The following CNBD1 variants were observed in gnomAD, a reference collection of about 807,000 sequenced individuals.
CNBD1 encodes the protein cyclic nucleotide-binding domain-containing protein 1.
In CNBD1, 71 loss-of-function variants were observed where a neutral mutation model predicts 54.4. The observed-to-expected ratio is 1.30, with a 90% CI of 1.08 to 1.59. The LOEUF is 1.59. Ranked by LOEUF, CNBD1 falls within the 40% of genes most tolerant of loss-of-function variation. CNBD1 has a pLI of 0.00. For missense variants in CNBD1, 659 were observed against 518.0 expected, an observed-to-expected ratio of 1.27 and a Z score of -2.64; for synonymous variants, 182 against 170.7, an observed-to-expected ratio of 1.07 and a Z score of -0.51.
At chr8:87,367,350 G>T (rs1220701880) in intron 10 of CNBD1, among the ~76,000 whole-genome samples, 1 of 151,912 alleles carries the variant, frequency 6.6e-6, no homozygotes, top group African/African-American at 2.4e-5. Flanking sequence ...TCTCCAGGTG[G>T]GCTTTTTGAA....
intron 4 of CNBD1, among the ~76,000 whole-genome samples, chr8:87,012,833 C>G (rs759428397): frequency 6.6e-5 from 10 of 152,164 alleles, no homozygotes; most frequent in Non-Finnish European, 1.5e-4. Context: ...CCTTTCCAAA[C>G]CAAACCAGTG....
At chr8:87,316,676 T>G (rs1295464684) in intron 8 of CNBD1, among the ~76,000 whole-genome samples, 1 of 151,848 alleles carries the variant, frequency 6.6e-6, no homozygotes, top group Non-Finnish European at 1.5e-5. Context: ...AAATAACTTA[T>G]GAAACATTCA....
chr8:87,122,796 G>A (rs1355458260), intron 4 of CNBD1, among the ~76,000 whole-genome samples: 1 of 151,798 alleles, frequency 6.6e-6, no homozygotes, highest in Non-Finnish European at 1.5e-5. Flanking sequence ...GCTTTCCCAA[G>A]AGCATAATCT....
chr8:87,355,368 T>C (rs1268870410), intron 10 of CNBD1, among the ~76,000 whole-genome samples: 1 of 152,152 alleles, frequency 6.6e-6, no homozygotes, highest in Non-Finnish European at 1.5e-5. Context: ...TGTTTTTGGT[T>C]CAGGTCAAGT....
At chr8:86,905,218 CA>C in intron 3 of CNBD1, 24 bp downstream of exon 3, 1 of 1,327,596 alleles carries the variant, frequency 7.5e-7, no homozygotes, top group Non-Finnish European at 1.1e-6. Context: ...CTTTTGAAAG[CA>C]AGGTTGATGG....
chr8:87,199,219 C>T (rs548367618), intron 4 of CNBD1, among the ~76,000 whole-genome samples: 11 of 152,128 alleles, frequency 7.2e-5, no homozygotes, highest in Admixed American at 5.2e-4. Flanking sequence ...TGTCTCAACA[C>T]GTACAGAATG....
intron 4 of CNBD1, among the ~76,000 whole-genome samples, chr8:86,974,208 GATTATATGCCCA>G (rs1170373035): frequency 5.9e-5 from 9 of 151,924 alleles, no homozygotes; most frequent in Non-Finnish European, 1.0e-4. Context: ...CAGGAAATAT[GATTATATGCCCA>G]ACAAGTTGAA....
downstream of CNBD1, among the ~76,000 whole-genome samples, chr8:87,387,455 T>C (rs561336128): frequency 6.1e-4 from 93 of 152,094 alleles, no homozygotes; most frequent in South Asian, 0.019. Context: ...GGGTTGCAAC[T>C]CTAGTCTCTG....
At chr8:86,964,701 G>C (rs1054502601) in intron 4 of CNBD1, among the ~76,000 whole-genome samples, 2 of 152,214 alleles carry the variant, frequency 1.3e-5, no homozygotes, top group African/African-American at 4.8e-5. Flanking sequence ...CTTCTAAGAT[G>C]AGGCAAGCTT....
intron 10 of CNBD1, among the ~76,000 whole-genome samples, chr8:87,363,610 G>A (rs1476247530): frequency 1.3e-5 from 2 of 152,076 alleles, no homozygotes; most frequent in African/African-American, 4.8e-5. Flanking sequence ...GACCAGTGAT[G>A]ATGAGCTTTT....
chr8:86,886,698 G>A (rs1274701950), intron 1 of CNBD1, among the ~76,000 whole-genome samples: 1 of 152,156 alleles, frequency 6.6e-6, no homozygotes, highest in Admixed American at 6.5e-5. Flanking sequence ...TGTGGTCAAT[G>A]AATGCACTTT....
intron 2 of CNBD1, among the ~76,000 whole-genome samples, chr8:86,888,426 G>T (rs1052322416): frequency 6.6e-5 from 10 of 152,058 alleles, no homozygotes; most frequent in Admixed American, 3.3e-4. Context: ...ATGGAGTAAA[G>T]AATGAAGTCC....
intron 6 of CNBD1, among the ~76,000 whole-genome samples, chr8:87,270,616 T>A (rs958075104): frequency 3.9e-5 from 6 of 151,972 alleles, no homozygotes; most frequent in Admixed American, 3.9e-4. Flanking sequence ...TTACTGGGTA[T>A]ATAACCAAAT....
chr8:86,905,149 AC>A lies in CNBD1; in HGVS notation c.229del (p.Gln77LysfsTer35). 1 of 1,612,524 alleles carries A rather than the reference AC, an allele frequency of 6.2e-7. No individual in the cohort carries two copies. ...AAGCAATATCCTAAAGTATTCCTGC[AC>A]CAAAAACCCAGACTTCCTAAACTTT... ...FMKQYPKVFL[H>X]QKPRLPKLFK... On this transcript the variant is annotated frameshift_variant, in exon 3 of 11. Transcript: ENST00000518476. LOFTEE classifies it high-confidence loss of function.
At chr8:87,120,653 T>A (rs942234607) in intron 4 of CNBD1, among the ~76,000 whole-genome samples, 4 of 152,038 alleles carry the variant, frequency 2.6e-5, no homozygotes, top group African/African-American at 9.7e-5. Flanking sequence ...GTTAGATTGT[T>A]CGTTTGCCCC....
chr8:87,342,745 C>G (rs1036206323), intron 8 of CNBD1, among the ~76,000 whole-genome samples: 1 of 151,966 alleles, frequency 6.6e-6, no homozygotes, highest in Non-Finnish European at 1.5e-5. Context: ...AGGGGGCACA[C>G]GAACAGGGAG....
intron 8 of CNBD1, among the ~76,000 whole-genome samples, chr8:87,337,195 G>A (rs572904349): frequency 6.6e-6 from 1 of 152,280 alleles, no homozygotes; most frequent in Admixed American, 6.5e-5. Context: ...TGGGAAGAAG[G>A]ACCCATTTAA....
At chr8:86,945,908 G>T (rs1447890452) in intron 4 of CNBD1, among the ~76,000 whole-genome samples, 1 of 152,176 alleles carries the variant, frequency 6.6e-6, no homozygotes, top group Non-Finnish European at 1.5e-5. Flanking sequence ...AGTTACATTT[G>T]GGATGTACAT....
At chr8:87,306,400 T>C (rs1809146985) in intron 8 of CNBD1, among the ~76,000 whole-genome samples, 1 of 152,182 alleles carries the variant, frequency 6.6e-6, no homozygotes, top group African/African-American at 2.4e-5. Context: ...CTACTGGGTA[T>C]CTACTCAGAA....
Sources: gnomAD v4.1 joint callset for allele counts (sites outside exome capture counted in the v4.1 genomes callset) on GRCh38, gnomAD v4.1.1 for gene constraint, MANE v1.5 for transcripts, NCBI Gene and HGNC (gene_info 2026-07-23, HGNC 2026-07-21) for gene names.